Variants in DNAI4 observed in about 807,000 individuals in gnomAD.
DNAI4 encodes dynein axonemal intermediate chain 4.
Under a neutral mutation model 105.8 loss-of-function variants are expected in DNAI4, and 85 were observed. The ratio of observed to expected loss-of-function variants is 0.80; its 90% confidence interval spans 0.67 to 0.96. The LOEUF is 0.96. DNAI4 is among the 40% of genes least tolerant of loss of function. The pLI is 0.00. For missense variants in DNAI4, 1,014 were observed against 1,005.6 expected, an observed-to-expected ratio of 1.01 and a Z score of -0.11; for synonymous variants, 352 against 331.5, an observed-to-expected ratio of 1.06 and a Z score of -0.67.
intron 2 of DNAI4, among the ~76,000 whole-genome samples, chr1:66,895,887 C>A (rs1239360195): frequency 6.6e-6 from 1 of 152,148 alleles, no homozygotes; most frequent in Non-Finnish European, 1.5e-5. Context: ...TATCTTGGCA[C>A]AGACCAAGCT....
chr1:66,898,369 AG>A (rs1184548774), intron 2 of DNAI4, among the ~76,000 whole-genome samples: 1 of 152,176 alleles, frequency 6.6e-6, no homozygotes, highest in African/African-American at 2.4e-5. Context: ...TTGGGGGCCA[AG>A]GGCAGAAAGT....
Position 66,847,616 on chromosome 1 carries a change from C to T in DNAI4, c.1159G>A (p.Glu387Lys), listed in dbSNP as rs767335707. 3 of 1,613,610 alleles carry T rather than the reference C, an allele frequency of 1.9e-6. No individual in the cohort carries two copies. In the African/African-American group the frequency reaches 4.0e-5, roughly 22 times the overall value. ...NVILAKIHEDEEDHSDAILKS... is the reference protein window; with the variant it reads ...NVILAKIHEDKEDHSDAILKS... ...AATATTGCATCTGAGTGGTCTTCCT[C>T]ATCTTCATGGATTTTTGCCAGAATT... is the stretch of plus-strand genomic sequence containing the variant. The change falls in exon 8 of 17, where the codon GAG becomes AAG. Residue 387 changes from glutamate (E) to lysine (K), a missense_variant. Coordinates refer to ENST00000371026, the MANE Select transcript of DNAI4 (RefSeq NM_024763.5).
At chr1:66,834,907 G>A (rs967267250) in intron 11 of DNAI4, among the ~76,000 whole-genome samples, 2 of 152,126 alleles carry the variant, frequency 1.3e-5, no homozygotes, top group African/African-American at 4.8e-5. Context: ...TGAAAGTTAA[G>A]TTTAGGAACC....
intron 2 of DNAI4, among the ~76,000 whole-genome samples, chr1:66,899,068 A>G (rs1033721435): frequency 6.6e-6 from 1 of 152,208 alleles, no homozygotes; most frequent in Non-Finnish European, 1.5e-5. Flanking sequence ...TACTAGAAAC[A>G]TTTGTGTATA....
intron 4 of DNAI4, among the ~76,000 whole-genome samples, chr1:66,884,084 C>G (rs1647139137): frequency 6.6e-6 from 1 of 152,120 alleles, no homozygotes; most frequent in South Asian, 2.1e-4. Flanking sequence ...TAGTATTTGT[C>G]TTTCTGTGTC....
At chr1:66,887,416 T>C (rs916761141) in intron 4 of DNAI4, among the ~76,000 whole-genome samples, 5 of 152,186 alleles carry the variant, frequency 3.3e-5, no homozygotes, top group African/African-American at 1.2e-4. Context: ...TTAAACTCTC[T>C]ACATGTAAGA....
At chr1:66,833,513 T>C (rs1645912736) in intron 13 of DNAI4, 72 bp downstream of exon 13, 2 of 1,542,172 alleles carry the variant, frequency 1.3e-6, no homozygotes, top group South Asian at 1.2e-5. Flanking sequence ...TTTGGTCTTG[T>C]TTTATGACTT....
intron 1 of DNAI4, among the ~76,000 whole-genome samples, chr1:66,913,509 C>T (rs753210341): frequency 3.3e-5 from 5 of 152,154 alleles, no homozygotes; most frequent in Admixed American, 1.3e-4. Flanking sequence ...CTGAAAGGTG[C>T]CCCTGGGTAC....
intron 1 of DNAI4, among the ~76,000 whole-genome samples, chr1:66,909,999 A>T (rs1435379653): frequency 6.6e-6 from 1 of 152,120 alleles, no homozygotes; most frequent in Non-Finnish European, 1.5e-5. Context: ...CTTCCTACTT[A>T]ACCTTGATCC....
intron 7 of DNAI4, among the ~76,000 whole-genome samples, chr1:66,857,492 GA>G (rs201186717): frequency 1.2e-4 from 17 of 143,258 alleles, no homozygotes; most frequent in Admixed American, 1.0e-3. Flanking sequence ...TAATAAAAAA[GA>G]AAAAAAAAGA....
intron 13 of DNAI4, among the ~76,000 whole-genome samples, chr1:66,830,603 C>G (rs896159858): frequency 4.0e-5 from 6 of 151,790 alleles, no homozygotes; most frequent in African/African-American, 1.5e-4. Flanking sequence ...ATGGTGAAAC[C>G]CTGTCCCTAC....
At chr1:66,924,627 G>A (rs1481069804) in intron 1 of DNAI4, 35 bp downstream of exon 1, 3 of 1,613,998 alleles carry the variant, frequency 1.9e-6, no homozygotes, top group Non-Finnish European at 2.5e-6. Context: ...CGGGTCCCAG[G>A]GGGATGGACT....
At chr1:66,844,720 T>C (rs1646233588) in intron 8 of DNAI4, among the ~76,000 whole-genome samples, 1 of 151,916 alleles carries the variant, frequency 6.6e-6, no homozygotes, top group Non-Finnish European at 1.5e-5. Context: ...AAAGAATTAA[T>C]TACAAAAGAA....
At chr1:66,892,768 G>A (rs1359693685) in intron 3 of DNAI4, among the ~76,000 whole-genome samples, 1 of 151,584 alleles carries the variant, frequency 6.6e-6, no homozygotes, top group South Asian at 2.1e-4. Context: ...TTAGCCAGGT[G>A]TAGTGGGGGG....
intron 6 of DNAI4, among the ~76,000 whole-genome samples, chr1:66,866,358 G>C (rs1453710199): frequency 1.3e-5 from 2 of 151,850 alleles, no homozygotes; most frequent in African/African-American, 4.8e-5. Context: ...ATGCAGAAAA[G>C]AATTCAGACC....
chr1:66,910,154 A>G (rs1423746380), intron 1 of DNAI4, among the ~76,000 whole-genome samples: 1 of 152,198 alleles, frequency 6.6e-6, no homozygotes, highest in Non-Finnish European at 1.5e-5. Context: ...TCAAGGTTAC[A>G]GTGAGCTATG....
chr1:66,866,595 T>C (rs897772841), intron 6 of DNAI4, among the ~76,000 whole-genome samples: 4 of 152,162 alleles, frequency 2.6e-5, no homozygotes, highest in Non-Finnish European at 4.4e-5. Flanking sequence ...TATTTTATTG[T>C]CTTCTTCTTT....
Position 66,814,925 on chromosome 1 carries a change from G to C in DNAI4, c.2497-745C>G, listed in dbSNP as rs777496778. Among the ~76,000 whole-genome samples, 54 of 152,112 alleles carry C rather than the reference G, an allele frequency of 3.6e-4. 1 individual carries two copies. The highest frequency in any genetic ancestry group is 4.0e-4 in the Non-Finnish European group (27 of 68,020). On this transcript the variant is annotated intron_variant, in intron 16 of 16. Transcript: ENST00000371026. ...ATATTTGCACTAAAATGGGTAAAATGATCATATATAAGAGGATGAAAATCA... is the reference window on the plus strand; with the variant it reads ...ATATTTGCACTAAAATGGGTAAAATCATCATATATAAGAGGATGAAAATCA...
intron 3 of DNAI4, among the ~76,000 whole-genome samples, chr1:66,892,723 T>C (rs1474275546): frequency 1.3e-5 from 2 of 151,730 alleles, no homozygotes. Flanking sequence ...CTGGCTAACA[T>C]GGTGACACCC....
Sources: allele counts gnomAD v4.1 joint callset (sites outside exome capture counted in the v4.1 genomes callset), GRCh38; gene constraint gnomAD v4.1.1; transcripts MANE v1.5; gene names NCBI Gene and HGNC (gene_info 2026-07-23, HGNC 2026-07-21).